The following PTPRT variants were observed in gnomAD, a reference collection of about 807,000 sequenced individuals.
The protein encoded by PTPRT is protein tyrosine phosphatase receptor type T, also known as receptor-type tyrosine-protein phosphatase T.
Under a neutral mutation model 176.8 loss-of-function variants are expected in PTPRT, and 56 were observed. The observed-to-expected ratio is 0.32, with a 90% CI of 0.26 to 0.40. The LOEUF is 0.40. PTPRT is among the 10% of genes least tolerant of loss of function. The probability of loss-of-function intolerance (pLI) is 1.00; values close to 1 mark genes in which losing one functional copy is unlikely to be tolerated. For synonymous variants in PTPRT, 783 were observed against 739.0 expected (o/e 1.06, Z -0.96); for missense variants, 1,540 against 1,908.2 (o/e 0.81, Z 3.60).
chr20:42,586,062 T>C (rs1015261623), intron 7 of PTPRT, among the ~76,000 whole-genome samples: 7 of 152,308 alleles, frequency 4.6e-5, no homozygotes, highest in Middle Eastern at 6.8e-3. Context: ...GTGTGTTCAG[T>C]GAATCAAATT....
intron 1 of PTPRT, among the ~76,000 whole-genome samples, chr20:42,926,346 G>A (rs959351398): frequency 2.0e-5 from 3 of 152,202 alleles, no homozygotes; most frequent in African/African-American, 7.2e-5. Context: ...CCAACAATGG[G>A]CTGCACTAGC....
At chr20:42,967,801 C>A (rs375852887) in intron 1 of PTPRT, among the ~76,000 whole-genome samples, 1 of 151,810 alleles carries the variant, frequency 6.6e-6, no homozygotes, top group African/African-American at 2.4e-5. Context: ...CCTTCAGCCT[C>A]GCCCTCTCCA....
chr20:43,141,987 C>T lies in PTPRT; in HGVS notation c.88+47659G>A, dbSNP rs146079659. 1.1e-4 allele frequency among the ~76,000 whole-genome samples: 16 copies of T among 152,280 alleles called. No individual in the cohort carries two copies. In the Middle Eastern group the frequency reaches 0.017, roughly 162 times the overall value. Reference sequence around the variant, plus strand: ...ACAGACACACAGAAGAAAAAGCATGCGACGTGGAGTACAGAAGACTCAAGT... The same window carrying T: ...ACAGACACACAGAAGAAAAAGCATGTGACGTGGAGTACAGAAGACTCAAGT... On this transcript the variant is annotated intron_variant, in intron 1 of 30. Coordinates refer to ENST00000373187, the MANE Select transcript of PTPRT (RefSeq NM_007050.6).
At chr20:42,396,585 G>T (rs553806077) in intron 9 of PTPRT, among the ~76,000 whole-genome samples, 2 of 152,270 alleles carry the variant, frequency 1.3e-5, no homozygotes, top group African/African-American at 4.8e-5. Context: ...TGTTTGAGAC[G>T]CAGTCTTGCT....
intron 27 of PTPRT, among the ~76,000 whole-genome samples, chr20:42,092,661 T>G (rs1298102211): frequency 6.6e-6 from 1 of 152,218 alleles, no homozygotes; most frequent in East Asian, 1.9e-4. Context: ...GCAGGTTGGG[T>G]ATTTTGCATA....
chr20:42,644,054 G>T (rs11697486), intron 7 of PTPRT, among the ~76,000 whole-genome samples: 14,697 of 152,032 alleles, frequency 0.097, 907 homozygotes, highest in Non-Finnish European at 0.14. Context: ...CTGTGTGATG[G>T]GCCTGAAGAG....
At chr20:42,450,415 G>A (rs1251906727) in intron 8 of PTPRT, among the ~76,000 whole-genome samples, 7 of 152,310 alleles carry the variant, frequency 4.6e-5, no homozygotes, top group East Asian at 3.9e-4. Flanking sequence ...GCATGTGTAT[G>A]TGTGTCTTTT....
intron 1 of PTPRT, among the ~76,000 whole-genome samples, chr20:43,071,437 T>C (rs375770550): frequency 6.6e-6 from 1 of 152,302 alleles, no homozygotes. Context: ...TCAATTAAAC[T>C]GCATTTACAT....
intron 9 of PTPRT, among the ~76,000 whole-genome samples, chr20:42,397,696 G>A (rs914305701): frequency 6.6e-6 from 1 of 152,154 alleles, no homozygotes; most frequent in Admixed American, 6.5e-5. Context: ...CTCCATTAAT[G>A]AGCACCTGGG....
At chr20:42,770,520 G>A (rs2077047280) in intron 5 of PTPRT, among the ~76,000 whole-genome samples, 1 of 152,184 alleles carries the variant, frequency 6.6e-6, no homozygotes, top group African/African-American at 2.4e-5. Flanking sequence ...TTCTTGGAAA[G>A]TGGGATGAAC....
intron 1 of PTPRT, among the ~76,000 whole-genome samples, chr20:43,072,156 G>C (rs2011190009): frequency 6.6e-6 from 1 of 152,198 alleles, no homozygotes; most frequent in Admixed American, 6.5e-5. Flanking sequence ...CAACACTTCT[G>C]AGACTCGAAG....
chr20:42,169,456 G>A (rs1248342247), intron 16 of PTPRT, among the ~76,000 whole-genome samples: 7 of 151,954 alleles, frequency 4.6e-5, no homozygotes, highest in African/African-American at 1.7e-4. Flanking sequence ...TGCTCCTCTT[G>A]CTTAAACCAC....
chr20:42,833,106 A>G lies in PTPRT; in HGVS notation c.215-41640T>C, dbSNP rs149680461. The stretch of plus-strand genomic sequence containing the variant: ...CCCCGTGCCAAAGAAAGAAAAAAAT[A>G]TACGAGAGAAAACTGAGAATATGTT... On this transcript the variant is annotated intron_variant, in intron 2 of 30. Transcript: ENST00000373187. Among the ~76,000 whole-genome samples, 1,094 of 152,222 alleles carry G rather than the reference A, an allele frequency of 7.2e-3. 8 individuals carry two copies. Among genetic ancestry groups the G allele is most frequent in the Non-Finnish European group, 0.012 (820 of 68,010 alleles).
At chr20:42,970,352 A>G (rs952034766) in intron 1 of PTPRT, among the ~76,000 whole-genome samples, 1 of 152,234 alleles carries the variant, frequency 6.6e-6, no homozygotes, top group Non-Finnish European at 1.5e-5. Context: ...TTGCGCTTTT[A>G]CAATGAGAAG....
At chr20:42,470,266 A>G (rs117846666) in intron 8 of PTPRT, among the ~76,000 whole-genome samples, 338 of 152,262 alleles carry the variant, frequency 2.2e-3, no homozygotes, top group Admixed American at 4.9e-3. Flanking sequence ...TCTCCTCCCC[A>G]TCCCAGACCC....
At chr20:42,788,106 G>A (rs145779127) in intron 3 of PTPRT, among the ~76,000 whole-genome samples, 155 of 152,166 alleles carry the variant, frequency 1.0e-3, no homozygotes, top group African/African-American at 2.9e-3. Flanking sequence ...AACACGTCAC[G>A]TTGTTAGTGA....
chr20:42,549,249 T>G (rs1230364208), intron 7 of PTPRT, among the ~76,000 whole-genome samples: 1 of 151,842 alleles, frequency 6.6e-6, no homozygotes, highest in African/African-American at 2.4e-5. Flanking sequence ...AGAAGTAATG[T>G]GTGAAATGTA....
At chr20:43,030,856 GA>G (rs1006184719) in intron 1 of PTPRT, among the ~76,000 whole-genome samples, 15 of 152,166 alleles carry the variant, frequency 9.9e-5, no homozygotes, top group African/African-American at 1.4e-4. Context: ...TGGAGAAAGG[GA>G]AAAGCACAAA....
chr20:42,883,614 T>C (rs1294371848), intron 2 of PTPRT, among the ~76,000 whole-genome samples: 9 of 93,346 alleles, frequency 9.6e-5, no homozygotes, highest in Middle Eastern at 5.9e-3. Flanking sequence ...CATATGTGAA[T>C]ACACACACAC....
Sources: gnomAD v4.1 joint callset for allele counts (sites outside exome capture counted in the v4.1 genomes callset) on GRCh38, gnomAD v4.1.1 for gene constraint, MANE v1.5 for transcripts, NCBI Gene and HGNC (gene_info 2026-07-23, HGNC 2026-07-21) for gene names.